The following GOLGA6L2 variants were observed in gnomAD, a reference collection of about 807,000 sequenced individuals.
GOLGA6L2 encodes the protein golgin A6 family like 2.
A neutral mutation model predicts 35.9 loss-of-function variants in GOLGA6L2; 30 were observed. The ratio of observed to expected loss-of-function variants is 0.83; its 90% CI spans 0.62 to 1.13. The LOEUF is 1.13. GOLGA6L2 is among the 50% of genes most tolerant of loss of function. The probability of loss-of-function intolerance (pLI) is 0.00; values close to 1 mark genes in which losing one functional copy is unlikely to be tolerated. For synonymous variants in GOLGA6L2, 297 were observed against 344.0 expected (o/e 0.86, Z 1.51); for missense variants, 821 against 973.4 (o/e 0.84, Z 2.08).
At chr15:23,442,535 G>T (rs765343473) in intron 5 of GOLGA6L2, 27 bp from the exon 6 acceptor site, 2 of 1,576,450 alleles carry the variant, frequency 1.3e-6, no homozygotes, top group Admixed American at 3.5e-5. Flanking sequence ...GTTAAGTCAG[G>T]ACAGAGCAGG....
At chr15:23,443,700 G>A (rs549378755) in intron 5 of GOLGA6L2, 77 bp downstream of exon 5, 28 of 1,137,876 alleles carry the variant, frequency 2.5e-5, no homozygotes, top group Non-Finnish European at 3.3e-5. Flanking sequence ...ACTGCATCCT[G>A]CAGGAGGGAC....
chr15:23,439,496 G>A lies in GOLGA6L2; in HGVS notation c.*249C>T. 1.3e-6 allele frequency: 1 copy of A among 790,064 alleles called. No homozygotes were observed. 48.9% of individuals were successfully genotyped at this position (790,064 alleles called of 1,614,324 possible). On this transcript the variant is annotated 3_prime_UTR_variant, in exon 8 of 8. Transcript: ENST00000567107. ...TGTGCTCAGACTATATTCACACAGT[G>A]ACATGGCGGCTTATGCTTCTGTAGG...
chr15:23,441,485 C>A lies in GOLGA6L2; in HGVS notation c.990G>T (p.Leu330=). Residue 330 remains leucine, a synonymous_variant, in exon 8 of 8, where the codon CTG becomes CTT. Transcript: ENST00000567107. ...EKRLREQEKE[L]REQEKELREQ... ...CCCGCAGCTCCTTCTCCTGCTCCCG[C>A]AGCTCCTTCTCCTGCTCTCGCAGCC... The A allele has an allele frequency of 2.1e-6, 3 of 1,405,270 alleles. No individual in the cohort carries two copies. Among genetic ancestry groups the A allele is most frequent in the Admixed American group, 2.3e-5 (1 of 43,336 alleles). 87.1% of individuals were successfully genotyped at this position (1,405,270 alleles called of 1,614,324 possible). A position where few individuals can be genotyped will look rare whatever the true frequency, so the allele number is the denominator to read the frequency against.
rs753585587 is a variant in GOLGA6L2 at position 23,439,876 on chromosome 15, C to A, written c.2599G>T (p.Val867Leu). The change falls in exon 8 of 8, where the codon GTG (valine) becomes TTG (leucine). Residue 867 changes from valine to leucine, a missense_variant. Coordinates refer to ENST00000567107, the MANE Select transcript of GOLGA6L2 (RefSeq NM_001304388.2). ...GEDVGAGGED[V>L]GAGGDAREGG... Reference sequence around the variant, plus strand: ...TCTCTCGCATCTCCTCCTGCCCCCACATCTTCTCCTCCTGCCCCCACATCT... The same window carrying A: ...TCTCTCGCATCTCCTCCTGCCCCCAAATCTTCTCCTCCTGCCCCCACATCT... 64 of 1,518,628 alleles carry A rather than the reference C, an allele frequency of 4.2e-5. No individual in the cohort carries two copies. Among genetic ancestry groups the A allele is most frequent in the Non-Finnish European group, 2.6e-6 (3 of 1,133,102 alleles). 94.1% of individuals were successfully genotyped at this position (1,518,628 alleles called of 1,614,324 possible).
Position 23,442,476 on chromosome 15 carries a change from G to T in GOLGA6L2, c.624C>A (p.Ala208=), listed in dbSNP as rs564394312. Residue 208 remains alanine, a synonymous_variant, in exon 6 of 8, where the codon GCC becomes GCA. Coordinates refer to ENST00000567107, the MANE Select transcript of GOLGA6L2 (RefSeq NM_001304388.2). ...YIEELTKERD[A]LSLELYRNTI... Reference sequence around the variant, plus strand: ...TGTTCCTGTACAGTTCCAGACTCAGGGCGTCCCTCTCCTTTGTTAACTCCT... The same window carrying T: ...TGTTCCTGTACAGTTCCAGACTCAGTGCGTCCCTCTCCTTTGTTAACTCCT... The T allele has an allele frequency of 2.9e-5, 46 of 1,596,624 alleles. No homozygotes were observed. The East Asian group carries it at 8.0e-4, about 28-fold the overall frequency.
chr15:23,444,548 C>T (rs1313503183), intron 2 of GOLGA6L2, 48 bp from the exon 3 acceptor site: 2 of 1,575,484 alleles, frequency 1.3e-6, no homozygotes, highest in African/African-American at 1.3e-5. Context: ...CCCCTGGACT[C>T]TATTCCCCAG....
chr15:23,440,427 C>CCTGCAG lies in GOLGA6L2; in HGVS notation c.2047_2048insCTGCAG (p.Val682_Gly683insAlaAla), dbSNP rs2070650869. The CCTGCAG allele has an allele frequency of 9.7e-7, 1 of 1,033,654 alleles. No homozygotes were observed. Among genetic ancestry groups the CCTGCAG allele is most frequent in the African/African-American group, 1.6e-5 (1 of 62,102 alleles). 64.0% of individuals were successfully genotyped at this position (1,033,654 alleles called of 1,614,324 possible). A position where few individuals can be genotyped will look rare whatever the true frequency, so the allele number is the denominator to read the frequency against. ...TGCTCCCACATCTTCTCCTCCTGCT[C>CCTGCAG]CCACATCTTCTCCTCCTGCTCCTGC... On this transcript the variant is annotated inframe_insertion, in exon 8 of 8. Transcript: ENST00000567107.
rs1176553334 is a variant in GOLGA6L2 at position 23,439,872 on chromosome 15, C to T, written c.2603G>A (p.Gly868Glu). The T allele has an allele frequency of 1.3e-6, 2 of 1,513,530 alleles. No individual in the cohort carries two copies. Among genetic ancestry groups the T allele is most frequent in the Admixed American group, 2.1e-5 (1 of 48,560 alleles). The allele number at this position is 1,513,530 out of a possible 1,614,324, so 93.8% of individuals were successfully genotyped here. A position where few individuals can be genotyped will look rare whatever the true frequency, so the allele number is the denominator to read the frequency against. The change falls in exon 8 of 8, where the codon GGG becomes GAG. Residue 868 changes from glycine to glutamate, a missense_variant. Coordinates refer to ENST00000567107, the MANE Select transcript of GOLGA6L2 (RefSeq NM_001304388.2). ...TCCTTCTCTCGCATCTCCTCCTGCC[C>T]CCACATCTTCTCCTCCTGCCCCCAC... Reference protein sequence around the residue: ...EDVGAGGEDVGAGGDAREGGE... With the variant: ...EDVGAGGEDVEAGGDAREGGE...
Position 23,441,355 on chromosome 15 carries a change from GTC to G in GOLGA6L2, c.1118_1119del (p.Arg373ThrfsTer273). The G allele has an allele frequency of 6.5e-7, 1 of 1,530,852 alleles. No homozygotes were observed. Among genetic ancestry groups the G allele is most frequent in the South Asian group, 1.2e-5 (1 of 83,272 alleles). 94.8% of individuals were successfully genotyped at this position (1,530,852 alleles called of 1,614,324 possible). A position where few individuals can be genotyped will look rare whatever the true frequency, so the allele number is the denominator to read the frequency against. The part of the protein sequence containing the change: ...KMREQEEKMW[R>X]QEERLWEQEK... The stretch of plus-strand genomic sequence containing the variant: ...TCCTGCTCCCACAGCCTCTCCTCCT[GTC>G]TCCACATCTTCTCTTCCTGCTCCCG... On this transcript the variant is annotated frameshift_variant, in exon 8 of 8. Transcript: ENST00000567107. LOFTEE classifies it low-confidence loss of function (END_TRUNC).
At chr15:23,443,391 CACACACACACGCACAT>C (rs2070720260) in intron 5 of GOLGA6L2, among the ~76,000 whole-genome samples, 1 of 151,182 alleles carries the variant, frequency 6.6e-6, no homozygotes, top group Non-Finnish European at 1.5e-5. Context: ...CACACACACA[CACACACACACGCACAT>C]GCACACTTAT....
chr15:23,441,488 C>T lies in GOLGA6L2; in HGVS notation c.987G>A (p.Glu329=), dbSNP rs1343356932. 1.4e-6 allele frequency: 2 copies of T among 1,405,214 alleles called. No homozygotes were observed. Among genetic ancestry groups the T allele is most frequent in the Non-Finnish European group, 1.9e-6 (2 of 1,050,032 alleles). The allele number at this position is 1,405,214 out of a possible 1,614,324, so 87.0% of individuals were successfully genotyped here. ...QEKRLREQEK[E]LREQEKELRE... is the part of the protein sequence containing the mutation. ...GCAGCTCCTTCTCCTGCTCCCGCAG[C>T]TCCTTCTCCTGCTCTCGCAGCCTCT... Residue 329 remains glutamate (E), a synonymous_variant, in exon 8 of 8, where the codon GAG becomes GAA. Coordinates refer to ENST00000567107, the MANE Select transcript of GOLGA6L2 (RefSeq NM_001304388.2).
Position 23,441,492 on chromosome 15 carries a change from T to C in GOLGA6L2, c.983A>G (p.Lys328Arg). The C allele has an allele frequency of 2.1e-6, 3 of 1,404,488 alleles. No individual in the cohort carries two copies. The highest frequency in any genetic ancestry group is 1.4e-5 in the African/African-American group (1 of 69,778). 87.0% of individuals were successfully genotyped at this position (1,404,488 alleles called of 1,614,324 possible). ...CTCCTTCTCCTGCTCCCGCAGCTCC[T>C]TCTCCTGCTCTCGCAGCCTCTTCTC... ...RQEKRLREQE[K>R]ELREQEKELR... The change falls in exon 8 of 8, where the codon AAG (lysine) becomes AGG (arginine). Residue 328 changes from lysine (K) to arginine (R), a missense_variant. Lys to Arg is a conservative substitution (Grantham distance 26, BLOSUM62 2). Around this residue, in one of 7 missense-constraint regions of GOLGA6L2, gnomAD observed 614 missense variants for 632.3 expected, o/e 0.97. Transcript: ENST00000567107.
rs371468309 is a variant in GOLGA6L2 at position 23,439,616 on chromosome 15, C to T, written c.*129G>A. On this transcript the variant is annotated 3_prime_UTR_variant, in exon 8 of 8. Transcript: ENST00000567107. ...TGGGATGCAGGAGGTACTGCCTAATCCTGGGCACTGCTGGGCGTTCTTCAT... is the reference window on the plus strand; with the variant it reads ...TGGGATGCAGGAGGTACTGCCTAATTCTGGGCACTGCTGGGCGTTCTTCAT... 269 of 1,536,258 alleles carry T rather than the reference C, an allele frequency of 1.8e-4. 1 individual carries two copies. The African/African-American group carries it at 2.8e-3, about 16-fold the overall frequency.
chr15:23,439,640 A>C lies in GOLGA6L2; in HGVS notation c.*105T>G, dbSNP rs1480902131. 8 of 1,536,294 alleles carry C rather than the reference A, an allele frequency of 5.2e-6. No individual in the cohort carries two copies. Among genetic ancestry groups the C allele is most frequent in the Non-Finnish European group, 6.1e-6 (7 of 1,146,918 alleles). ...TCCTGGGCACTGCTGGGCGTTCTTC[A>C]TCCCACAAAACAGCTGCATGATCTC... On this transcript the variant is annotated 3_prime_UTR_variant, in exon 8 of 8. Coordinates refer to ENST00000567107, the MANE Select transcript of GOLGA6L2 (RefSeq NM_001304388.2).
chr15:23,442,767 C>G (rs1251224437), intron 5 of GOLGA6L2, among the ~76,000 whole-genome samples: 7 of 152,002 alleles, frequency 4.6e-5, no homozygotes, highest in Non-Finnish European at 1.0e-4. Context: ...ATGACAACCT[C>G]TGCCTCCCGG....
At chr15:23,444,286 G>A in intron 3 of GOLGA6L2, 74 bp from the exon 4 acceptor site, 4 of 1,540,062 alleles carry the variant, frequency 2.6e-6, no homozygotes, top group East Asian at 4.6e-5. Flanking sequence ...CCCCCAGAAT[G>A]GCACCAATGC....
At chr15:23,445,840 C>A (rs1296659800) in intron 1 of GOLGA6L2, among the ~76,000 whole-genome samples, 4 of 152,156 alleles carry the variant, frequency 2.6e-5, no homozygotes, top group African/African-American at 9.7e-5. Flanking sequence ...GGGCAGAAGG[C>A]AGCTTTTCTG....
chr15:23,443,575 C>T (rs1489269051), intron 5 of GOLGA6L2, among the ~76,000 whole-genome samples: 11 of 152,188 alleles, frequency 7.2e-5, no homozygotes, highest in Non-Finnish European at 1.5e-5. Context: ...GTCCAGTGCT[C>T]GCTCCCCACA....
At chr15:23,441,758 T>A (rs1327390217) in intron 7 of GOLGA6L2, 76 bp from the exon 8 acceptor site, 7 of 1,402,504 alleles carry the variant, frequency 5.0e-6, no homozygotes, top group Middle Eastern at 1.9e-4. Context: ...TATGATTCTT[T>A]AAAAAAAATT....
Sources: gnomAD v4.1 joint callset for allele counts (sites outside exome capture counted in the v4.1 genomes callset) on GRCh38, gnomAD v4.1.1 for gene constraint, gnomAD v4.1.1 regional missense constraint, MANE v1.5 for transcripts, NCBI Gene and HGNC (gene_info 2026-07-23, HGNC 2026-07-21) for gene names.